Variants in TENM4 observed in about 807,000 individuals in gnomAD.
TENM4 encodes teneurin-4.
A neutral mutation model predicts 243.3 loss-of-function variants in TENM4; 82 were observed. The observed-to-expected ratio is 0.34, with a 90% CI of 0.28 to 0.40. TENM4 has a LOEUF of 0.40. Ranked by LOEUF, TENM4 falls within the 10% of genes least tolerant of loss-of-function variation. The pLI is 1.00. For synonymous variants in TENM4, 1,412 were observed against 1,456.3 expected (o/e 0.97, Z 0.69); for missense variants, 3,138 against 3,673.3 (o/e 0.85, Z 3.77).
At chr11:79,243,991 C>G (rs1441373623) in intron 2 of TENM4, among the ~76,000 whole-genome samples, 3 of 152,200 alleles carry the variant, frequency 2.0e-5, no homozygotes, top group Non-Finnish European at 4.4e-5. Context: ...GCATTTCCAA[C>G]AAGCTCCCGT....
chr11:79,033,600 A>G (rs1175700548), intron 6 of TENM4, among the ~76,000 whole-genome samples: 2 of 152,204 alleles, frequency 1.3e-5, no homozygotes, highest in African/African-American at 4.8e-5. Flanking sequence ...CTTGCACCAT[A>G]AACAGTCTCT....
intron 15 of TENM4, among the ~76,000 whole-genome samples, chr11:78,792,017 C>T (rs959254587): frequency 6.6e-6 from 1 of 152,170 alleles, no homozygotes; most frequent in Admixed American, 6.5e-5. Context: ...ACTTGGGGAA[C>T]TTAATCTCTC....
intron 1 of TENM4, among the ~76,000 whole-genome samples, chr11:79,329,711 C>T (rs892215077): frequency 2.6e-5 from 4 of 152,094 alleles, no homozygotes; most frequent in East Asian, 1.9e-4. Context: ...TCCAGGAATA[C>T]GAAGAAGGCC....
chr11:78,967,237 T>C (rs1857456180), intron 6 of TENM4, among the ~76,000 whole-genome samples: 1 of 152,198 alleles, frequency 6.6e-6, no homozygotes, highest in Non-Finnish European at 1.5e-5. Flanking sequence ...GTCCACCCAC[T>C]AGCTTGCCTT....
intron 1 of TENM4, among the ~76,000 whole-genome samples, chr11:79,308,634 C>A (rs964582027): frequency 2.6e-5 from 4 of 152,210 alleles, no homozygotes; most frequent in Non-Finnish European, 5.9e-5. Flanking sequence ...AGTGACCTCA[C>A]TTTACAGAAG....
intron 5 of TENM4, chr11:79,067,847 T>C (rs966525444): frequency 2.6e-5 from 4 of 152,204 alleles, no homozygotes; most frequent in African/African-American, 9.6e-5. Flanking sequence ...AGCTGTGCAA[T>C]CTTGGGCTTG....
intron 1 of TENM4, among the ~76,000 whole-genome samples, chr11:79,424,129 A>G (rs1257031365): frequency 6.6e-6 from 1 of 152,236 alleles, no homozygotes; most frequent in African/African-American, 2.4e-5. Flanking sequence ...GCTTCCAACC[A>G]GGGACGGACA....
At chr11:79,184,951 G>A (rs1011474716) in intron 3 of TENM4, among the ~76,000 whole-genome samples, 1 of 152,140 alleles carries the variant, frequency 6.6e-6, no homozygotes, top group African/African-American at 2.4e-5. Flanking sequence ...GACAGATACA[G>A]CTTATATCTT....
chr11:78,981,539 A>C (rs1437798914), intron 6 of TENM4, among the ~76,000 whole-genome samples: 1 of 152,124 alleles, frequency 6.6e-6, no homozygotes, highest in Non-Finnish European at 1.5e-5. Flanking sequence ...TCATGAGGGA[A>C]TCTGGACCAC....
intron 4 of TENM4, among the ~76,000 whole-genome samples, chr11:79,134,197 C>G (rs1482705819): frequency 6.6e-6 from 1 of 152,094 alleles, no homozygotes; most frequent in African/African-American, 2.4e-5. Context: ...CTTCTATACA[C>G]CAACAGCGAC....
chr11:79,205,484 C>T (rs1352208234), intron 3 of TENM4, among the ~76,000 whole-genome samples: 3 of 152,210 alleles, frequency 2.0e-5, no homozygotes, highest in Non-Finnish European at 4.4e-5. Flanking sequence ...CCCTTCCACC[C>T]CCAGCCCAGG....
chr11:78,686,128 T>C (rs991764632), intron 29 of TENM4, among the ~76,000 whole-genome samples: 4 of 152,234 alleles, frequency 2.6e-5, no homozygotes, highest in Non-Finnish European at 5.9e-5. Flanking sequence ...GAATGAGTGC[T>C]GCACAGAGAG....
chr11:79,026,740 G>C (rs1188799135), intron 6 of TENM4, among the ~76,000 whole-genome samples: 3 of 152,202 alleles, frequency 2.0e-5, no homozygotes. Flanking sequence ...GTTGAATGAA[G>C]TACTGGGTGG....
intron 1 of TENM4, among the ~76,000 whole-genome samples, chr11:79,346,272 G>A (rs1857324625): frequency 6.6e-6 from 1 of 152,132 alleles, no homozygotes; most frequent in African/African-American, 2.4e-5. Flanking sequence ...TTCGATGTCA[G>A]CCGGACAGTA....
intron 6 of TENM4, among the ~76,000 whole-genome samples, chr11:78,906,390 G>T (rs971128863): frequency 5.9e-5 from 9 of 152,134 alleles, no homozygotes; most frequent in African/African-American, 2.2e-4. Context: ...GCAGGAAAAA[G>T]GTCCTCAGTG....
intron 6 of TENM4, among the ~76,000 whole-genome samples, chr11:78,923,464 G>A (rs893732938): frequency 2.6e-5 from 4 of 152,100 alleles, no homozygotes; most frequent in African/African-American, 9.7e-5. Flanking sequence ...ATGAGCAGGT[G>A]ACCCAGTTCA....
chr11:78,901,137 C>A (rs1855920775), intron 7 of TENM4, among the ~76,000 whole-genome samples: 1 of 151,996 alleles, frequency 6.6e-6, no homozygotes, highest in African/African-American at 2.4e-5. Context: ...CATGTACATG[C>A]ACATACATGC....
chr11:78,835,197 T>C (rs1286862398), intron 12 of TENM4, among the ~76,000 whole-genome samples: 1 of 152,172 alleles, frequency 6.6e-6, no homozygotes, highest in African/African-American at 2.4e-5. Context: ...TGAAGCTCTC[T>C]TTTCCCTCAG....
intron 6 of TENM4, among the ~76,000 whole-genome samples, chr11:79,060,760 G>A (rs1195655878): frequency 6.6e-6 from 1 of 152,186 alleles, no homozygotes; most frequent in Non-Finnish European, 1.5e-5. Flanking sequence ...TTTGGCAAAT[G>A]GGAATGCCAC....
Sources: gnomAD v4.1 joint callset for allele counts (sites outside exome capture counted in the v4.1 genomes callset) on GRCh38, gnomAD v4.1.1 for gene constraint, MANE v1.5 for transcripts, NCBI Gene and HGNC (gene_info 2026-07-23, HGNC 2026-07-21) for gene names.